Variants in ROBO2 observed in about 807,000 individuals in gnomAD.
The protein encoded by ROBO2 is roundabout homolog 2.
In ROBO2, 53 loss-of-function variants were observed where a neutral mutation model predicts 160.8. That is an observed-to-expected ratio of 0.33 (90% confidence interval 0.26 to 0.41). The LOEUF (loss-of-function observed/expected upper bound fraction) is 0.41. ROBO2 is among the 10% of genes least tolerant of loss of function. The pLI, the probability that ROBO2 is intolerant of heterozygous loss-of-function variation, is 1.00. For missense variants in ROBO2, 1,577 were observed against 1,722.4 expected, an observed-to-expected ratio of 0.92 and a Z score of 1.49; for synonymous variants, 664 against 611.7, an observed-to-expected ratio of 1.09 and a Z score of -1.26.
At chr3:76,457,552 G>T (rs1421465783) in intron 2 of ROBO2, among the ~76,000 whole-genome samples, 2 of 152,102 alleles carry the variant, frequency 1.3e-5, no homozygotes, top group Non-Finnish European at 1.5e-5. Flanking sequence ...CAAGCTGTCG[G>T]TGGATCTGCC....
chr3:76,662,573 G>A (rs556478098), intron 2 of ROBO2, among the ~76,000 whole-genome samples: 273 of 152,010 alleles, frequency 1.8e-3, no homozygotes, highest in African/African-American at 6.4e-3. Flanking sequence ...GGAAGAATAA[G>A]GTAGTACTAA....
intron 1 of ROBO2, among the ~76,000 whole-genome samples, chr3:77,064,418 T>A (rs1341239377): frequency 4.1e-5 from 6 of 147,016 alleles, no homozygotes; most frequent in African/African-American, 1.5e-4. Flanking sequence ...TGGAGTACAG[T>A]GGCACAATCT....
chr3:76,753,315 T>G lies in ROBO2; in HGVS notation c.110-344699T>G, dbSNP rs138105223. ...TAAAATATTTTAAATCAATTTTTGT[T>G]GATTTCCTGATTTCATTTATGGGGC... On this transcript the variant is annotated intron_variant, in intron 2 of 26. Transcript: ENST00000487694. Among the ~76,000 whole-genome samples, 505 of 152,050 alleles carry G rather than the reference T, an allele frequency of 3.3e-3. 3 individuals are homozygous for G. Among genetic ancestry groups the G allele is most frequent in the African/African-American group, 0.011 (443 of 41,560 alleles).
At chr3:76,582,661 ATATGTG>A (rs1199432046) in intron 2 of ROBO2, among the ~76,000 whole-genome samples, 2 of 152,188 alleles carry the variant, frequency 1.3e-5, no homozygotes, top group African/African-American at 4.8e-5. Context: ...CTTTCAAGTT[ATATGTG>A]AGATATTTTA....
At chr3:77,590,493 A>C (rs2153684626) in intron 17 of ROBO2, among the ~76,000 whole-genome samples, 1 of 152,252 alleles carries the variant, frequency 6.6e-6, no homozygotes, top group African/African-American at 2.4e-5. Context: ...TTTCTGTTTA[A>C]TCAGCCACCA....
intron 2 of ROBO2, among the ~76,000 whole-genome samples, chr3:77,262,747 A>ATTGAACTT (rs1178392507): frequency 6.6e-6 from 1 of 152,196 alleles, no homozygotes; most frequent in Non-Finnish European, 1.5e-5. Flanking sequence ...TTGGTCATTT[A>ATTGAACTT]GCATCATAAA....
At chr3:77,473,440 CTTTTTTTTTTTTTTTTTTTTT>C (rs71104688) in intron 2 of ROBO2, among the ~76,000 whole-genome samples, 1 of 77,922 alleles carries the variant, frequency 1.3e-5, no homozygotes, top group African/African-American at 4.7e-5. Context: ...ACAAACTGCT[CTTTTTTTTTTTTTTTTTTTTT>C]TTTTTTTTTT....
intron 5 of ROBO2, among the ~76,000 whole-genome samples, chr3:77,511,937 C>T (rs2153616427): frequency 6.6e-6 from 1 of 152,008 alleles, no homozygotes; most frequent in African/African-American, 2.4e-5. Context: ...GTCTCTCATA[C>T]TTCTCTAAGG....
Position 77,277,791 on chromosome 3 carries a change from G to T in ROBO2, c.388+179451G>T, listed in dbSNP as rs534663331. ...TGTACATATATCTTTTTGCTAGAAT[G>T]ATTTATATTCCTTTGGGTATATACC... On this transcript the variant is annotated intron_variant, in intron 2 of 25. Transcript: ENST00000461745. Among the ~76,000 whole-genome samples the T allele has an allele frequency of 2.0e-5, 3 of 152,262 alleles. 1 individual carries two copies. The highest frequency in any genetic ancestry group is 1.9e-4 in the East Asian group (1 of 5,182).
intron 2 of ROBO2, among the ~76,000 whole-genome samples, chr3:76,274,372 CATG>C (rs915889010): frequency 5.9e-5 from 9 of 151,786 alleles, no homozygotes; most frequent in Non-Finnish European, 8.8e-5. Context: ...GAATTTTCAG[CATG>C]ATATCTTAAA....
chr3:76,099,836 A>G (rs1383872617), intron 2 of ROBO2, among the ~76,000 whole-genome samples: 1 of 152,208 alleles, frequency 6.6e-6, no homozygotes, highest in African/African-American at 2.4e-5. Flanking sequence ...GCTAACGGCA[A>G]GTGCAGAAAT....
At chr3:77,401,196 A>G (rs1237464957) in intron 2 of ROBO2, among the ~76,000 whole-genome samples, 1 of 151,590 alleles carries the variant, frequency 6.6e-6, no homozygotes, top group Non-Finnish European at 1.5e-5. Context: ...CTCTGGGTGG[A>G]TTGACTATGA....
At chr3:77,200,090 A>G (rs190229840) in intron 2 of ROBO2, among the ~76,000 whole-genome samples, 1 of 151,134 alleles carries the variant, frequency 6.6e-6, no homozygotes, top group Admixed American at 6.6e-5. Context: ...ATAAGTATGT[A>G]TAAAAACGAC....
At chr3:76,173,865 T>G (rs1235390136) in intron 2 of ROBO2, among the ~76,000 whole-genome samples, 3 of 152,178 alleles carry the variant, frequency 2.0e-5, no homozygotes, top group Non-Finnish European at 4.4e-5. Flanking sequence ...TTATATTCCT[T>G]TGCGTATATA....
At chr3:76,617,922 C>T (rs1238649729) in intron 2 of ROBO2, among the ~76,000 whole-genome samples, 1 of 151,560 alleles carries the variant, frequency 6.6e-6, no homozygotes, top group Admixed American at 6.6e-5. Context: ...ATTCAATTAC[C>T]TCCCACTGGG....
intron 2 of ROBO2, among the ~76,000 whole-genome samples, chr3:76,770,774 G>T (rs922442685): frequency 6.6e-6 from 1 of 151,294 alleles, no homozygotes; most frequent in Non-Finnish European, 1.5e-5. Context: ...GATGAAAAAT[G>T]GAAGTTTTAT....
At chr3:76,138,293 TAAA>T (rs921384807) in intron 2 of ROBO2, among the ~76,000 whole-genome samples, 1 of 151,818 alleles carries the variant, frequency 6.6e-6, no homozygotes, top group African/African-American at 2.4e-5. Flanking sequence ...TGTGAAAAAT[TAAA>T]AAAACAAGCT....
At chr3:76,204,587 C>A (rs772783633) in intron 2 of ROBO2, among the ~76,000 whole-genome samples, 11 of 152,154 alleles carry the variant, frequency 7.2e-5, no homozygotes, top group Non-Finnish European at 1.5e-4. Flanking sequence ...CTGCTGTTCT[C>A]AGAATAGAAC....
chr3:76,140,196 A>G (rs1184845827), intron 2 of ROBO2, among the ~76,000 whole-genome samples: 5 of 152,084 alleles, frequency 3.3e-5, no homozygotes, highest in Non-Finnish European at 7.4e-5. Flanking sequence ...AAAGCTGAAG[A>G]GCTTTTACAT....
Sources: allele counts gnomAD v4.1 joint callset (sites outside exome capture counted in the v4.1 genomes callset), GRCh38; gene constraint gnomAD v4.1.1; transcripts MANE v1.5; gene names NCBI Gene and HGNC (gene_info 2026-07-23, HGNC 2026-07-21).